SEPTIN11: variants seen among roughly 807,000 people sequenced by gnomAD.
The protein encoded by SEPTIN11 is septin 11.
Under a neutral mutation model 51.4 loss-of-function variants are expected in SEPTIN11, and 25 were observed. The observed-to-expected ratio is 0.49, with a 90% CI of 0.35 to 0.68. The LOEUF (loss-of-function observed/expected upper bound fraction) is 0.68, where lower values mean the gene tolerates loss of function less well. Ranked by LOEUF, SEPTIN11 falls within the 30% of genes least tolerant of loss-of-function variation. The pLI is 0.00. For synonymous variants in SEPTIN11, 174 were observed against 184.1 expected (o/e 0.95, Z 0.44); for missense variants, 381 against 520.8 (o/e 0.73, Z 2.61).
At chr4:77,013,882 A>G (rs912932144) in intron 4 of SEPTIN11, among the ~76,000 whole-genome samples, 9 of 152,194 alleles carry the variant, frequency 5.9e-5, no homozygotes, top group African/African-American at 1.9e-4. Context: ...TCATAGTTCT[A>G]TATATCGGAT....
At chr4:77,003,573 G>A (rs943822699) in intron 2 of SEPTIN11, among the ~76,000 whole-genome samples, 5 of 152,132 alleles carry the variant, frequency 3.3e-5, no homozygotes, top group African/African-American at 1.2e-4. Context: ...GATGTTCAGG[G>A]ACACACAGGA....
At chr4:76,998,019 G>C (rs1032919508) in intron 2 of SEPTIN11, among the ~76,000 whole-genome samples, 8 of 151,970 alleles carry the variant, frequency 5.3e-5, no homozygotes, top group Non-Finnish European at 1.2e-4. Context: ...GTGTGCAGTG[G>C]GGTGTGCTGG....
chr4:77,004,227 C>A (rs572285743), intron 2 of SEPTIN11, among the ~76,000 whole-genome samples: 21 of 152,298 alleles, frequency 1.4e-4, no homozygotes, highest in African/African-American at 4.3e-4. Flanking sequence ...GTTACAGATA[C>A]CTGCTACTCT....
chr4:77,016,611 T>TAC (rs535121576), intron 5 of SEPTIN11, among the ~76,000 whole-genome samples: 40,281 of 79,304 alleles, frequency 0.51, 10,359 homozygotes, highest in Non-Finnish European at 0.56. Context: ...TATATATATA[T>TAC]ACACATATAT....
Position 77,035,683 on chromosome 4 carries a change from C to G in SEPTIN11, c.*1171C>G. On this transcript the variant is annotated 3_prime_UTR_variant, in exon 10 of 10. Coordinates refer to ENST00000264893, the MANE Select transcript of SEPTIN11 (RefSeq NM_018243.4). ...AACAGCTGAAGTCTCAAATCATTGT[C>G]TGGAATTTTCCTCACCTTGGCTAGC... is the stretch of plus-strand genomic sequence containing the variant. The G allele has an allele frequency of 1.0e-6, 1 of 985,868 alleles. No homozygotes were observed. Among genetic ancestry groups the G allele is most frequent in the Non-Finnish European group, 1.2e-6 (1 of 829,934 alleles). The allele number at this position is 985,868 out of a possible 1,614,324, so 61.1% of individuals were successfully genotyped here. A position where few individuals can be genotyped will look rare whatever the true frequency, so the allele number is the denominator to read the frequency against.
chr4:76,958,565 G>GT (rs1445865034), intron 1 of SEPTIN11, among the ~76,000 whole-genome samples: 1 of 152,110 alleles, frequency 6.6e-6, no homozygotes, highest in Non-Finnish European at 1.5e-5. Context: ...TTGTTTACTA[G>GT]TGTGGGGCTC....
intron 1 of SEPTIN11, chr4:76,958,795 TAAA>T: frequency 9.6e-7 from 1 of 1,043,812 alleles, no homozygotes. Flanking sequence ...ATGTTTTTTG[TAAA>T]TTAAAAAAAA....
chr4:76,996,548 T>C lies in SEPTIN11; in HGVS notation c.142+9T>C. On this transcript the variant is annotated intron_variant, in intron 2 of 9. Transcript: ENST00000264893. Reference sequence around the variant, plus strand: ...CAACATCCTTTGTGTTGGTAAGTTATTCATCACCCCACAGCAAGAAATTTG... The same window carrying C: ...CAACATCCTTTGTGTTGGTAAGTTACTCATCACCCCACAGCAAGAAATTTG... The C allele has an allele frequency of 6.3e-7, 1 of 1,582,080 alleles. No individual in the cohort carries two copies. Among genetic ancestry groups the C allele is most frequent in the Non-Finnish European group, 8.7e-7 (1 of 1,150,770 alleles).
At chr4:77,014,011 C>T in intron 4 of SEPTIN11, among the ~76,000 whole-genome samples, 1 of 152,134 alleles carries the variant, frequency 6.6e-6, no homozygotes, top group East Asian at 1.9e-4. Context: ...GAAAGAATGT[C>T]CACATGGGGT....
At chr4:77,018,614 C>T (rs556296383) in intron 5 of SEPTIN11, among the ~76,000 whole-genome samples, 83 of 152,180 alleles carry the variant, frequency 5.5e-4, no homozygotes, top group African/African-American at 1.8e-3. Context: ...ACAGGTTTCT[C>T]CTAACATACC....
intron 1 of SEPTIN11, among the ~76,000 whole-genome samples, chr4:76,959,371 C>T (rs1314576943): frequency 3.3e-5 from 5 of 151,454 alleles, no homozygotes; most frequent in African/African-American, 4.9e-5. Flanking sequence ...GTCTAGGCCT[C>T]CCAAAATGCT....
At chr4:77,001,964 C>A (rs946482660) in intron 2 of SEPTIN11, among the ~76,000 whole-genome samples, 6 of 152,144 alleles carry the variant, frequency 3.9e-5, no homozygotes, top group African/African-American at 7.2e-5. Context: ...CACAGTGAGA[C>A]CCTGTCTGTT....
chr4:76,974,019 G>A (rs1472550682), intron 1 of SEPTIN11, among the ~76,000 whole-genome samples: 1 of 152,074 alleles, frequency 6.6e-6, no homozygotes, highest in Non-Finnish European at 1.5e-5. Flanking sequence ...GGCATTTTGT[G>A]GTCTCTAGAG....
intron 3 of SEPTIN11, among the ~76,000 whole-genome samples, chr4:77,006,756 C>T (rs764176741): frequency 6.6e-6 from 1 of 152,142 alleles, no homozygotes; most frequent in Non-Finnish European, 1.5e-5. Flanking sequence ...TTCCTCAAAA[C>T]TGTATATTAT....
chr4:77,000,748 CT>C (rs1260941733), intron 2 of SEPTIN11, among the ~76,000 whole-genome samples: 1 of 152,182 alleles, frequency 6.6e-6, no homozygotes, highest in Non-Finnish European at 1.5e-5. Context: ...TGGGCATCCT[CT>C]AAGTCAGTGC....
At chr4:76,966,798 A>C (rs1413698527) in intron 1 of SEPTIN11, among the ~76,000 whole-genome samples, 5 of 152,132 alleles carry the variant, frequency 3.3e-5, no homozygotes, top group Admixed American at 3.3e-4. Flanking sequence ...TGGGAGTTTC[A>C]GGCTGCAGTG....
Position 77,012,732 on chromosome 4 carries a change from T to C in SEPTIN11, c.525+811T>C, listed in dbSNP as rs149230808. The stretch of plus-strand genomic sequence containing the variant: ...CTGTCTCTCCAGAGGGACAAAACAG[T>C]GAGAGAATGCTCAGAAGATCAGCCT... On this transcript the variant is annotated intron_variant, in intron 4 of 9. Transcript: ENST00000264893. Among the ~76,000 whole-genome samples the C allele has an allele frequency of 3.7e-3, 557 of 152,254 alleles. 1 individual carries two copies. The highest frequency in any genetic ancestry group is 6.2e-3 in the Admixed American group (95 of 15,292).
intron 2 of SEPTIN11, among the ~76,000 whole-genome samples, chr4:77,003,130 G>A (rs1426720637): frequency 3.3e-5 from 5 of 152,102 alleles, no homozygotes; most frequent in African/African-American, 1.2e-4. Context: ...ATGCCATCAC[G>A]CTGTGTGGGG....
chr4:77,013,837 C>A (rs934336247), intron 4 of SEPTIN11, among the ~76,000 whole-genome samples: 2 of 152,166 alleles, frequency 1.3e-5, no homozygotes, highest in Non-Finnish European at 2.9e-5. Flanking sequence ...GCTTCCTTAC[C>A]GAGTCTGTTT....
Sources: allele counts gnomAD v4.1 joint callset (sites outside exome capture counted in the v4.1 genomes callset), GRCh38; gene constraint gnomAD v4.1.1; transcripts MANE v1.5; gene names NCBI Gene and HGNC (gene_info 2026-07-23, HGNC 2026-07-21).